HMGB1: variants seen among roughly 807,000 people sequenced by gnomAD.
HMGB1 encodes the protein high mobility group protein B1.
For synonymous variants in HMGB1, 81 were observed against 84.0 expected, an observed-to-expected ratio of 0.96 and a Z score of 0.19; for missense variants, 79 against 253.5, an observed-to-expected ratio of 0.31 and a Z score of 4.67.
chr13:30,596,776 T>C (rs967400733), intron 1 of HMGB1, among the ~76,000 whole-genome samples: 3 of 152,240 alleles, frequency 2.0e-5, no homozygotes, highest in Non-Finnish European at 4.4e-5. Flanking sequence ...TGCTCATTTC[T>C]GTAATAGAAA....
In HMGB1 at chr13:30,462,543, C is replaced by G. The variant is rs2137396749; in HGVS notation, c.466G>C (p.Glu156Gln). 1 of 1,610,686 alleles carries G rather than the reference C, an allele frequency of 6.2e-7. No homozygotes were observed. The highest frequency in any genetic ancestry group is 8.5e-7 in the Non-Finnish European group (1 of 1,176,904). ...AGCAAACCCACACTTCTTACCTTTT[C>G]ATATTTTTCCTTCAGCTTCGCAGCC... The part of the protein sequence containing the change: ...KKAAKLKEKY[E>Q]KDIAAYRAKG... Residue 156 changes from glutamate to glutamine, a missense_variant, in exon 4 of 5, where the codon GAA (glutamate) becomes CAA (glutamine). Transcript: ENST00000341423.
At chr13:30,490,257 T>C (rs1887456592) in intron 1 of HMGB1, among the ~76,000 whole-genome samples, 1 of 152,178 alleles carries the variant, frequency 6.6e-6, no homozygotes, top group Non-Finnish European at 1.5e-5. Context: ...TTTAATATTT[T>C]CCCTTGCCTT....
At chr13:30,606,207 T>C (rs2137569625) in intron 1 of HMGB1, among the ~76,000 whole-genome samples, 1 of 152,326 alleles carries the variant, frequency 6.6e-6, no homozygotes, top group East Asian at 1.9e-4. Flanking sequence ...GATAGTTTTT[T>C]AGGGTAGTGA....
Position 30,456,965 on chromosome 13 carries a change from A to T in HMGB1, c.*4392T>A, listed in dbSNP as rs1016767755. The T allele has an allele frequency of 5.9e-5, 9 of 152,164 alleles. No individual in the cohort carries two copies. Among genetic ancestry groups the T allele is most frequent in the African/African-American group, 2.2e-4 (9 of 41,414 alleles). 9.4% of individuals were successfully genotyped at this position (152,164 alleles called of 1,614,324 possible). ...TCCATCAGTAAGGGAATGATGAAAAATATTATGGATCATATACAAGTGAGA... is the reference window on the plus strand; with the variant it reads ...TCCATCAGTAAGGGAATGATGAAAATTATTATGGATCATATACAAGTGAGA... On this transcript the variant is annotated 3_prime_UTR_variant, in exon 5 of 5. Transcript: ENST00000341423.
In HMGB1 at chr13:30,460,071, A is replaced by C. The variant is rs1260407608; in HGVS notation, c.*1286T>G. On this transcript the variant is annotated 3_prime_UTR_variant, in exon 5 of 5. Coordinates refer to ENST00000341423, the MANE Select transcript of HMGB1 (RefSeq NM_002128.7). ...AATCTCGAAAACCACAAAATTGCCAAATTGTTCCCTAAACTCCTAAGCAGA... is the reference window on the plus strand; with the variant it reads ...AATCTCGAAAACCACAAAATTGCCACATTGTTCCCTAAACTCCTAAGCAGA... The C allele has an allele frequency of 6.6e-6, 1 of 152,604 alleles. No individual in the cohort carries two copies. The highest frequency in any genetic ancestry group is 1.5e-5 in the Non-Finnish European group (1 of 67,996). The allele number at this position is 152,604 out of a possible 1,614,324, so 9.5% of individuals were successfully genotyped here.
chr13:30,474,627 G>A (rs991875100), intron 1 of HMGB1, among the ~76,000 whole-genome samples: 1 of 152,094 alleles, frequency 6.6e-6, no homozygotes, highest in Non-Finnish European at 1.5e-5. Flanking sequence ...ACATTGGGCA[G>A]GTATGGTGGC....
In HMGB1 at chr13:30,533,844, AGTAAATCCTG is replaced by A. The variant is rs373690764; in HGVS notation, c.-14-70160_-14-70151del. On this transcript the variant is annotated intron_variant, in intron 1 of 4. Coordinates refer to the HMGB1 transcript ENST00000405805. ...AAAATCCCCAATTTGAAAATTCTGT[AGTAAATCCTG>A]GTAAAGACTATCTTTTTTTTTTTTT... Among the ~76,000 whole-genome samples the A allele has an allele frequency of 2.0e-4, 30 of 151,990 alleles. No homozygotes were observed. In the East Asian group the frequency reaches 4.5e-3, roughly 23 times the overall value.
At chr13:30,464,091 A>G in intron 1 of HMGB1, 6 of 986,474 alleles carry the variant, frequency 6.1e-6, no homozygotes, top group African/African-American at 1.7e-5. Context: ...TTTGCACTAG[A>G]TAGGGAATAA....
At chr13:30,574,691 C>A (rs1870571399) in intron 1 of HMGB1, among the ~76,000 whole-genome samples, 1 of 152,090 alleles carries the variant, frequency 6.6e-6, no homozygotes, top group African/African-American at 2.4e-5. Flanking sequence ...GGTAAGAATT[C>A]TCATATTTGG....
rs1869861743 is a variant in HMGB1 at position 30,559,634 on chromosome 13, T to C, written c.-15+57037A>G. ...TTTAAGAAAGCGGATGGAATTCAGC[T>C]GCAAATAGATGGACACCTGGAATTC... On this transcript the variant is annotated intron_variant, in intron 1 of 4. Transcript: ENST00000405805. The surrounding 1 kb of genome is among the most constrained non-coding windows in gnomAD (Gnocchi z 6.6). 3.9e-5 allele frequency among the ~76,000 whole-genome samples: 6 copies of C among 152,324 alleles called. No homozygotes were observed. In the South Asian group the frequency reaches 1.2e-3, roughly 32 times the overall value.
intron 1 of HMGB1, among the ~76,000 whole-genome samples, chr13:30,595,467 T>C (rs1369776943): frequency 2.0e-5 from 3 of 152,244 alleles, no homozygotes; most frequent in Non-Finnish European, 2.9e-5. Context: ...TGGCAGATGA[T>C]ATATACAATG....
At position 30,523,751 on chromosome 13, in the gene HMGB1, G is replaced by C. The variant is rs9315020; in HGVS notation, c.-14-60057C>G. Among the ~76,000 whole-genome samples the C allele has an allele frequency of 1.7e-4, 25 of 148,378 alleles. 1 individual carries two copies. The highest frequency in any genetic ancestry group is 1.5e-3 in the Admixed American group (23 of 14,922). Reference sequence around the variant, plus strand: ...TGTTTTTGTTGGGCCCTTTTTTTTTGTTTGTTTGAGATGGGGCCTCACTCT... The same window carrying C: ...TGTTTTTGTTGGGCCCTTTTTTTTTCTTTGTTTGAGATGGGGCCTCACTCT... On this transcript the variant is annotated intron_variant, in intron 1 of 4. Coordinates refer to the HMGB1 transcript ENST00000405805.
Position 30,524,334 on chromosome 13 carries a change from T to C in HMGB1, c.-14-60640A>G, listed in dbSNP as rs193197316. 4.1e-3 allele frequency among the ~76,000 whole-genome samples: 269 copies of C among 66,356 alleles called. 1 individual carries two copies. The highest frequency in any genetic ancestry group is 0.016 in the African/African-American group (253 of 16,210). The allele number at this position is 66,356 out of a possible 152,430, so 43.5% of individuals were successfully genotyped here. On this transcript the variant is annotated intron_variant, in intron 1 of 4. Transcript: ENST00000405805. ...CACATGTATCCCAGAGCTTAAAGTA[T>C]ATTAAAAAAAAAAAAAAAAAAAAGA... is the stretch of plus-strand genomic sequence containing the variant.
chr13:30,568,485 GTGACAGAGTC>G (rs1294415629), intron 1 of HMGB1, among the ~76,000 whole-genome samples: 1 of 152,154 alleles, frequency 6.6e-6, no homozygotes, highest in African/African-American at 2.4e-5. Flanking sequence ...TCCAGCCTGG[GTGACAGAGTC>G]AGACTCCCTG....
At chr13:30,491,080 A>G (rs1887480456) in intron 1 of HMGB1, among the ~76,000 whole-genome samples, 1 of 152,104 alleles carries the variant, frequency 6.6e-6, no homozygotes, top group African/African-American at 2.4e-5. Context: ...CCAAGCCAGA[A>G]TGCAAAGGCG....
intron 1 of HMGB1, among the ~76,000 whole-genome samples, chr13:30,524,902 G>A (rs867520400): frequency 1.3e-5 from 2 of 152,144 alleles, no homozygotes; most frequent in East Asian, 1.9e-4. Flanking sequence ...AACCTTGCCT[G>A]TGGTTATATA....
At chr13:30,549,943 C>T (rs1359672053) in intron 1 of HMGB1, among the ~76,000 whole-genome samples, 1 of 152,080 alleles carries the variant, frequency 6.6e-6, no homozygotes, top group East Asian at 1.9e-4. Flanking sequence ...TCTGGAACTC[C>T]TGACCCCAAG....
intron 1 of HMGB1, chr13:30,554,771 G>A: frequency 5.2e-6 from 4 of 767,626 alleles, no homozygotes; most frequent in Non-Finnish European, 9.7e-6. Flanking sequence ...TGAAACAGAG[G>A]CTAAATGAGA....
chr13:30,501,832 T>A (rs892961881), intron 1 of HMGB1, among the ~76,000 whole-genome samples: 3 of 152,198 alleles, frequency 2.0e-5, no homozygotes, highest in Admixed American at 6.5e-5. Flanking sequence ...ATCAATCAGA[T>A]AATGTAAAGG....
Sources: gnomAD v4.1 joint callset for allele counts (sites outside exome capture counted in the v4.1 genomes callset) on GRCh38, gnomAD v4.1.1 for gene constraint, Gnocchi (gnomAD v3.1) non-coding constraint, MANE v1.5 for transcripts, NCBI Gene and HGNC (gene_info 2026-07-23, HGNC 2026-07-21) for gene names.